Variants in SLCO1A2 observed in about 807,000 individuals in gnomAD.
SLCO1A2 encodes the protein OATP-1.
SLCO1A2 carries 67 observed loss-of-function variants against 69.0 expected under a neutral mutation model. The observed-to-expected ratio is 0.97, with a 90% CI of 0.80 to 1.19. SLCO1A2 has a LOEUF of 1.19. SLCO1A2 is among the 50% of genes most tolerant of loss of function. The pLI is 0.00. For synonymous variants in SLCO1A2, 260 were observed against 265.9 expected (o/e 0.98, Z 0.22); for missense variants, 787 against 793.7 (o/e 0.99, Z 0.10).
chr12:21,392,695 C>A (rs1941222153), intron 1 of SLCO1A2, among the ~76,000 whole-genome samples: 1 of 152,192 alleles, frequency 6.6e-6, no homozygotes, highest in Non-Finnish European at 1.5e-5. Context: ...CATAAAACCT[C>A]TTCTTGTACA....
intron 4 of SLCO1A2, among the ~76,000 whole-genome samples, chr12:21,307,689 T>G (rs1287994523): frequency 6.6e-6 from 1 of 152,216 alleles, no homozygotes; most frequent in Non-Finnish European, 1.5e-5. Context: ...AAAAAAAGTA[T>G]GTTCAAAGTA....
chr12:21,414,405 C>T (rs1941959340), intron 1 of SLCO1A2, among the ~76,000 whole-genome samples: 1 of 151,662 alleles, frequency 6.6e-6, no homozygotes, highest in Admixed American at 6.6e-5. Flanking sequence ...ATTTTCATAT[C>T]ATGTTTTCCT....
At chr12:21,321,267 C>G (rs555819718) in intron 2 of SLCO1A2, among the ~76,000 whole-genome samples, 1 of 152,296 alleles carries the variant, frequency 6.6e-6, no homozygotes, top group African/African-American at 2.4e-5. Flanking sequence ...GTCTTGTACT[C>G]CCTACCCTTT....
intron 1 of SLCO1A2, among the ~76,000 whole-genome samples, chr12:21,390,249 A>C (rs984078989): frequency 1.4e-4 from 21 of 152,206 alleles, no homozygotes; most frequent in African/African-American, 5.1e-4. Flanking sequence ...GCATCTGACC[A>C]TATGGCCAAA....
chr12:21,269,008 A>C lies in SLCO1A2; in HGVS notation c.*540T>G, dbSNP rs1942354136. 1 of 152,036 alleles carries C rather than the reference A, an allele frequency of 6.6e-6. No homozygotes were observed. The highest frequency in any genetic ancestry group is 2.4e-5 in the African/African-American group (1 of 41,444). 9.4% of individuals were successfully genotyped at this position (152,036 alleles called of 1,614,324 possible). On this transcript the variant is annotated 3_prime_UTR_variant, in exon 15 of 15. Coordinates refer to ENST00000683939, the MANE Select transcript of SLCO1A2 (RefSeq NM_001386879.1). The stretch of plus-strand genomic sequence containing the variant: ...AAGTAGGAGGGTATATTTATGAGTA[A>C]TCTATTATATAGGAGTCATGCCTAG...
At chr12:21,374,677 A>G (rs1940058173) in intron 1 of SLCO1A2, among the ~76,000 whole-genome samples, 1 of 152,230 alleles carries the variant, frequency 6.6e-6, no homozygotes. Flanking sequence ...AGTTTCTGAT[A>G]AGCAGAATAT....
chr12:21,292,172 A>T lies in SLCO1A2; in HGVS notation c.1602T>A (p.Val534=), dbSNP rs1946965851. 1 of 1,586,960 alleles carries T rather than the reference A, an allele frequency of 6.3e-7. No individual in the cohort carries two copies. The highest frequency in any genetic ancestry group is 8.6e-7 in the Non-Finnish European group (1 of 1,168,268). Residue 534 remains valine, a synonymous_variant, in exon 12 of 15, where the codon GTT becomes GTA. Transcript: ENST00000683939. ...YSLAAIPGYM[V]LLRCMKSEEK... ...AGAAAATAATTTTGTACCTCAAGAG[A>T]ACCATATATCCAGGTATGGCAGCCA...
Position 21,266,496 on chromosome 12 carries a change from T to C in SLCO1A2, c.*3052A>G, listed in dbSNP as rs1002021065. ...AAGTTAATGATTTTAGGAGGAGTAG[T>C]ATTTTTTCAATGTAGATAAATAATA... is the stretch of plus-strand genomic sequence containing the variant. On this transcript the variant is annotated 3_prime_UTR_variant, in exon 15 of 15. Coordinates refer to ENST00000683939, the MANE Select transcript of SLCO1A2 (RefSeq NM_001386879.1). 1 of 152,142 alleles carries C rather than the reference T, an allele frequency of 6.6e-6. No individual in the cohort carries two copies. Among genetic ancestry groups the C allele is most frequent in the Non-Finnish European group, 1.5e-5 (1 of 68,014 alleles). 9.4% of individuals were successfully genotyped at this position (152,142 alleles called of 1,614,324 possible). A position where few individuals can be genotyped will look rare whatever the true frequency, so the allele number is the denominator to read the frequency against.
chr12:21,416,904 G>A (rs150213157), intron 1 of SLCO1A2, among the ~76,000 whole-genome samples: 8 of 152,198 alleles, frequency 5.3e-5, no homozygotes, highest in Non-Finnish European at 1.2e-4. Context: ...TGGATCAGGA[G>A]GATAAATGTC....
chr12:21,412,488 T>C (rs749628281), intron 1 of SLCO1A2, among the ~76,000 whole-genome samples: 36 of 152,228 alleles, frequency 2.4e-4, no homozygotes, highest in Non-Finnish European at 4.6e-4. Context: ...AGTTATTAAA[T>C]TGTATCAAAT....
intron 6 of SLCO1A2, among the ~76,000 whole-genome samples, chr12:21,303,203 GACC>G (rs1277873212): frequency 1.3e-5 from 2 of 151,892 alleles, no homozygotes; most frequent in South Asian, 2.1e-4. Flanking sequence ...ACCTTGTATG[GACC>G]ACATCATCCT....
chr12:21,347,702 A>AGGAAGGAAGAAAGAAAG (rs1555122088), intron 2 of SLCO1A2, among the ~76,000 whole-genome samples: 5,321 of 147,578 alleles, frequency 0.036, 219 homozygotes, highest in African/African-American at 0.073. Context: ...GGAAGGAAGA[A>AGGAAGGAAGAAAGAAAG]GGAAAAAAGG....
chr12:21,303,375 G>T (rs1948960381), intron 6 of SLCO1A2, among the ~76,000 whole-genome samples: 1 of 152,094 alleles, frequency 6.6e-6, no homozygotes, highest in African/African-American at 2.4e-5. Context: ...GAAGTTAAAA[G>T]GACTGAATAG....
chr12:21,269,756 A>T lies in SLCO1A2; in HGVS notation c.1805T>A (p.Leu602His), dbSNP rs1347440302. Residue 602 changes from leucine (L) to histidine (H), a missense_variant, in exon 15 of 15, where the codon CTC becomes CAC. Transcript: ENST00000683939. ...YDSTTFRYIYLGLPAALRGSS... is the reference protein window; with the variant it reads ...YDSTTFRYIYHGLPAALRGSS... ...TCCTCTTAGTGCTGCCGGCAATCCG[A>T]GGTAGATGTATCTATTTTTTTAAAA... 6.2e-7 allele frequency: 1 copy of T among 1,607,162 alleles called. No individual in the cohort carries two copies. Among genetic ancestry groups the T allele is most frequent in the South Asian group, 1.1e-5 (1 of 89,884 alleles).
chr12:21,360,744 G>A (rs545918794), intron 2 of SLCO1A2, among the ~76,000 whole-genome samples: 10 of 152,298 alleles, frequency 6.6e-5, no homozygotes, highest in Non-Finnish European at 1.5e-4. Flanking sequence ...ATTATATCCC[G>A]CGGCTGGCTT....
intron 1 of SLCO1A2, among the ~76,000 whole-genome samples, chr12:21,377,579 C>A (rs774573239): frequency 1.3e-5 from 2 of 152,160 alleles, no homozygotes; most frequent in African/African-American, 2.4e-5. Context: ...CTCTCCCTTG[C>A]CCCTGATAAC....
intron 1 of SLCO1A2, among the ~76,000 whole-genome samples, chr12:21,381,408 G>A (rs140456220): frequency 1.4e-4 from 22 of 152,098 alleles, no homozygotes; most frequent in African/African-American, 5.1e-4. Flanking sequence ...CAACAAACAT[G>A]AAAAAAATGC....
In SLCO1A2 at chr12:21,266,878, ATAAG is replaced by A. The variant is rs577480605; in HGVS notation, c.*2666_*2669del. 57 of 152,294 alleles carry A rather than the reference ATAAG, an allele frequency of 3.7e-4. No homozygotes were observed. Among genetic ancestry groups the A allele is most frequent in the Admixed American group, 2.0e-3 (30 of 15,274 alleles). 9.4% of individuals were successfully genotyped at this position (152,294 alleles called of 1,614,324 possible). A position where few individuals can be genotyped will look rare whatever the true frequency, so the allele number is the denominator to read the frequency against. ...GTAAATATAGGTTAATTTTTGAATTATAAGTAATATATTAAACCACTATTTCTAG... is the reference window on the plus strand; with the variant it reads ...GTAAATATAGGTTAATTTTTGAATTATAATATATTAAACCACTATTTCTAG... On this transcript the variant is annotated 3_prime_UTR_variant, in exon 15 of 15. Transcript: ENST00000683939.
chr12:21,402,205 T>C (rs1941728906), intron 1 of SLCO1A2, among the ~76,000 whole-genome samples: 1 of 150,794 alleles, frequency 6.6e-6, no homozygotes, highest in Admixed American at 6.6e-5. Context: ...AGTACAGATT[T>C]ATACAAAGGC....
Sources: gnomAD v4.1 joint callset for allele counts (sites outside exome capture counted in the v4.1 genomes callset) on GRCh38, gnomAD v4.1.1 for gene constraint, MANE v1.5 for transcripts, NCBI Gene and HGNC (gene_info 2026-07-23, HGNC 2026-07-21) for gene names.